The following DACH1 variants were observed in gnomAD, a reference collection of about 807,000 sequenced individuals.
DACH1 encodes dachshund homolog 1.
Under a neutral mutation model 54.2 loss-of-function variants are expected in DACH1, and 12 were observed. The ratio of observed to expected loss-of-function variants is 0.22; its 90% CI spans 0.14 to 0.36. DACH1 has a LOEUF of 0.36. Ranked by LOEUF, DACH1 falls within the 10% of genes least tolerant of loss-of-function variation. The pLI, the probability that DACH1 is intolerant of heterozygous loss-of-function variation, is 1.00. For missense variants in DACH1, 805 were observed against 929.8 expected, an observed-to-expected ratio of 0.87 and a Z score of 1.75; for synonymous variants, 386 against 366.2, an observed-to-expected ratio of 1.05 and a Z score of -0.62.
intron 1 of DACH1, among the ~76,000 whole-genome samples, chr13:71,768,695 C>T (rs1465777382): frequency 2.0e-5 from 3 of 151,838 alleles, no homozygotes; most frequent in Admixed American, 1.3e-4. Context: ...AATCTTTAAG[C>T]TGGAAAACTT....
At chr13:71,657,221 G>A (rs566066388) in intron 2 of DACH1, among the ~76,000 whole-genome samples, 1 of 151,938 alleles carries the variant, frequency 6.6e-6, no homozygotes, top group Non-Finnish European at 1.5e-5. Context: ...ATGTCTCCTA[G>A]TATGGTGCAT....
At chr13:71,580,077 G>GA (rs573296870) in intron 3 of DACH1, among the ~76,000 whole-genome samples, 210 of 152,206 alleles carry the variant, frequency 1.4e-3, no homozygotes, top group African/African-American at 4.6e-3. Flanking sequence ...AAATGAGACT[G>GA]AAAAAAGCTG....
chr13:71,528,673 A>G (rs1232800761), intron 6 of DACH1, among the ~76,000 whole-genome samples: 7 of 151,826 alleles, frequency 4.6e-5, no homozygotes, highest in African/African-American at 1.7e-4. Flanking sequence ...CTCGTGATCC[A>G]CCGGGCCGGA....
intron 2 of DACH1, among the ~76,000 whole-genome samples, chr13:71,641,071 C>A (rs984144842): frequency 1.3e-5 from 2 of 150,660 alleles, no homozygotes; most frequent in African/African-American, 2.4e-5. Flanking sequence ...CAAAAAAAAA[C>A]AAAAGAGGTG....
intron 1 of DACH1, among the ~76,000 whole-genome samples, chr13:71,860,974 G>A (rs539738153): frequency 6.6e-6 from 1 of 151,872 alleles, no homozygotes; most frequent in South Asian, 2.1e-4. Flanking sequence ...GTAGTAAATC[G>A]CCAAAGACAA....
intron 6 of DACH1, among the ~76,000 whole-genome samples, chr13:71,501,952 C>G (rs566652942): frequency 7.2e-5 from 11 of 152,184 alleles, no homozygotes; most frequent in Admixed American, 4.6e-4. Context: ...GCCAATGTAA[C>G]TCAACTAGGA....
intron 6 of DACH1, among the ~76,000 whole-genome samples, chr13:71,511,383 A>G (rs534284017): frequency 4.6e-5 from 7 of 152,120 alleles, no homozygotes; most frequent in Middle Eastern, 3.4e-3. Context: ...GAGAGCCAAA[A>G]AAAATGTAGT....
intron 6 of DACH1, among the ~76,000 whole-genome samples, chr13:71,531,933 T>C (rs1051115238): frequency 2.0e-5 from 3 of 151,880 alleles, no homozygotes; most frequent in African/African-American, 7.2e-5. Flanking sequence ...TATATATGTG[T>C]GTGTATATAC....
intron 1 of DACH1, among the ~76,000 whole-genome samples, chr13:71,685,818 A>G (rs955418368): frequency 6.6e-6 from 1 of 152,142 alleles, no homozygotes; most frequent in Non-Finnish European, 1.5e-5. Flanking sequence ...TGGCTCTACC[A>G]ATTTACTAGA....
intron 10 of DACH1, among the ~76,000 whole-genome samples, chr13:71,473,444 C>A (rs1455187329): frequency 1.1e-4 from 16 of 152,222 alleles, no homozygotes; most frequent in Admixed American, 9.8e-4. Context: ...TCAGTCACAA[C>A]AATGGAAACT....
chr13:71,786,969 C>T (rs943955753), intron 1 of DACH1, among the ~76,000 whole-genome samples: 3 of 152,142 alleles, frequency 2.0e-5, no homozygotes, highest in African/African-American at 4.8e-5. Flanking sequence ...GGAAGGCAGG[C>T]ACTCCTTAGC....
chr13:71,839,242 T>A (rs1261093502), intron 1 of DACH1, among the ~76,000 whole-genome samples: 1 of 152,228 alleles, frequency 6.6e-6, no homozygotes, highest in Non-Finnish European at 1.5e-5. Flanking sequence ...TCAGTGCTTT[T>A]AATATCATAA....
At chr13:71,717,901 A>C (rs569040982) in intron 1 of DACH1, among the ~76,000 whole-genome samples, 2 of 152,040 alleles carry the variant, frequency 1.3e-5, no homozygotes, top group African/African-American at 4.8e-5. Flanking sequence ...ATTAAAAAAA[A>C]AACACAGAAA....
intron 1 of DACH1, among the ~76,000 whole-genome samples, chr13:71,777,708 T>C (rs988367270): frequency 6.6e-6 from 1 of 152,144 alleles, no homozygotes; most frequent in African/African-American, 2.4e-5. Context: ...GGATTTCTAC[T>C]GGACAACAAA....
At chr13:71,685,288 T>C (rs917045809) in intron 1 of DACH1, among the ~76,000 whole-genome samples, 2 of 152,178 alleles carry the variant, frequency 1.3e-5, no homozygotes, top group South Asian at 2.1e-4. Context: ...CTTTCAGTCT[T>C]TAAGCTTTAA....
At chr13:71,765,828 C>A (rs577966060) in intron 1 of DACH1, among the ~76,000 whole-genome samples, 1 of 151,274 alleles carries the variant, frequency 6.6e-6, no homozygotes, top group East Asian at 1.9e-4. Flanking sequence ...GGATGTGAAA[C>A]AGAGTCGGTC....
At chr13:71,524,733 G>A (rs1881838541) in intron 6 of DACH1, among the ~76,000 whole-genome samples, 1 of 152,016 alleles carries the variant, frequency 6.6e-6, no homozygotes, top group Non-Finnish European at 1.5e-5. Context: ...ATATTTGCAA[G>A]TCCATCTCCG....
chr13:71,827,431 C>T (rs924329671), intron 1 of DACH1, among the ~76,000 whole-genome samples: 4 of 152,072 alleles, frequency 2.6e-5, no homozygotes, highest in Non-Finnish European at 2.9e-5. Context: ...ACAAAATAAA[C>T]GTGCAACCTA....
chr13:71,515,242 G>C (rs1352345140), intron 6 of DACH1, among the ~76,000 whole-genome samples: 1 of 151,790 alleles, frequency 6.6e-6, no homozygotes, highest in African/African-American at 2.4e-5. Context: ...ATGTGTTTAG[G>C]TCTGTCCCCT....
Sources: gnomAD v4.1 joint callset for allele counts (sites outside exome capture counted in the v4.1 genomes callset) on GRCh38, gnomAD v4.1.1 for gene constraint, MANE v1.5 for transcripts, NCBI Gene and HGNC (gene_info 2026-07-23, HGNC 2026-07-21) for gene names.